The following COL7A1 variants were observed in gnomAD, a reference collection of about 807,000 sequenced individuals.
COL7A1 encodes the protein collagen alpha-1(VII) chain.
A neutral mutation model predicts 456.2 loss-of-function variants in COL7A1; 296 were observed. That is an observed-to-expected ratio of 0.65 (90% confidence interval 0.59 to 0.71). The LOEUF (loss-of-function observed/expected upper bound fraction) is 0.71, where lower values mean the gene tolerates loss of function less well. Ranked by LOEUF, COL7A1 falls within the 30% of genes least tolerant of loss-of-function variation. COL7A1 has a pLI of 0.00. For synonymous variants in COL7A1, 1,464 were observed against 1,525.9 expected, an observed-to-expected ratio of 0.96 and a Z score of 0.95; for missense variants, 3,441 against 4,017.2, an observed-to-expected ratio of 0.86 and a Z score of 3.88.
chr3:48,582,876 G>A, intron 44 of COL7A1, 137 bp downstream of exon 44: 1 of 1,372,070 alleles, frequency 7.3e-7, no homozygotes, highest in Non-Finnish European at 1.0e-6. Context: ...CTGAGGGTTA[G>A]AGCCTGTATC....
In COL7A1 at chr3:48,570,276, CG is replaced by C; in HGVS notation, c.7438del (p.Arg2480GlyfsTer36). 6.2e-7 allele frequency: 1 copy of C among 1,613,716 alleles called. No individual in the cohort carries two copies. The highest frequency in any genetic ancestry group is 1.1e-5 in the South Asian group (1 of 91,048). ...GGCTGTGGAGTAAGACATACGTACC[CG>C]GATGCCTGGCTCCCCACGCTCGCCT... ...PRGERGEPGI[R>X]GEDGRPGQEG... On this transcript the variant is annotated frameshift_variant and splice_region_variant, in exon 98 of 119. Transcript: ENST00000681320. LOFTEE classifies it high-confidence loss of function. This position sits in a 1 kb window ranked among gnomAD's most constrained non-coding sequence, Gnocchi z 5.5.
In COL7A1 at chr3:48,565,180, T is replaced by C. The variant is rs753118545; in HGVS notation, c.8549A>G (p.Asp2850Gly). The C allele has an allele frequency of 6.2e-7, 1 of 1,613,906 alleles. No homozygotes were observed. Among genetic ancestry groups the C allele is most frequent in the Non-Finnish European group, 8.5e-7 (1 of 1,179,902 alleles). ...EEEERVPPED[D>G]EYSEYSEYSV... ...ATACTCGGAGTATTCAGAGTACTCA[T>C]CATCCTCAGGGGGTACCCGCTCTGC... is the stretch of plus-strand genomic sequence containing the variant. Residue 2850 changes from aspartate (D) to glycine (G), a missense_variant, in exon 117 of 119, where the codon GAT (aspartate) becomes GGT (glycine). By Grantham distance (94) the Asp-to-Gly change is moderately conservative. Around this residue, in one of 3 missense-constraint regions of COL7A1, gnomAD observed 2,084 missense variants for 2,501.3 expected, o/e 0.83. Transcript: ENST00000681320. This position sits in a 1 kb window ranked among gnomAD's most constrained non-coding sequence, Gnocchi z 4.5.
chr3:48,570,360 T>C lies in COL7A1; in HGVS notation c.7381-26A>G, dbSNP rs545691941. ...CTGGAGACCAACAGGACACCGGGGA[T>C]CAGTGAGGGGAATCAGTGGGGGACG... is the stretch of plus-strand genomic sequence containing the variant. On this transcript the variant is annotated intron_variant, in intron 97 of 118. Transcript: ENST00000681320. This position sits in a 1 kb window ranked among gnomAD's most constrained non-coding sequence, Gnocchi z 5.5. The C allele has an allele frequency of 4.3e-6, 7 of 1,613,770 alleles. No homozygotes were observed. The South Asian group carries it at 7.7e-5, about 18-fold the overall frequency.
rs376952626 is a variant in COL7A1, at chr3:48,586,522, A to C, written c.3403+41T>G. On this transcript the variant is annotated intron_variant, in intron 26 of 118. Coordinates refer to ENST00000681320, the MANE Select transcript of COL7A1 (RefSeq NM_000094.4). The surrounding 1 kb of genome is among the most constrained non-coding windows in gnomAD (Gnocchi z 5.1). ...CAGAACCCTGGGGCACCAAGCTCCC[A>C]GTGGATAGCCCCAGGAGTCCATGCC... 2 of 1,613,644 alleles carry C rather than the reference A, an allele frequency of 1.2e-6. No homozygotes were observed. The highest frequency in any genetic ancestry group is 1.7e-6 in the Non-Finnish European group (2 of 1,180,030).
In COL7A1 at chr3:48,565,470, T is replaced by G; in HGVS notation, c.8467A>C (p.Thr2823Pro). The G allele has an allele frequency of 6.2e-7, 1 of 1,613,468 alleles. No individual in the cohort carries two copies. Among genetic ancestry groups the G allele is most frequent in the South Asian group, 1.1e-5 (1 of 90,928 alleles). ...ACAGCATGGAGCTGGGAGCCGGCAGTGTCTGCAGCATAACTAGGGAGGGGT... is the reference window on the plus strand; with the variant it reads ...ACAGCATGGAGCTGGGAGCCGGCAGGGTCTGCAGCATAACTAGGGAGGGGT... ...SRPLPSYAAD[T>P]AGSQLHAVPV... is the part of the protein sequence containing the mutation. The change falls in exon 116 of 119, where the codon ACT (threonine) becomes CCT (proline). Residue 2823 changes from threonine to proline, a missense_variant. Thr to Pro is a conservative substitution (Grantham distance 38, BLOSUM62 -1). Transcript: ENST00000681320. The surrounding 1 kb of genome is among the most constrained non-coding windows in gnomAD (Gnocchi z 4.5).
chr3:48,594,382 G>A lies in COL7A1; in HGVS notation c.252C>T (p.Tyr84=). The A allele has an allele frequency of 6.2e-7, 1 of 1,610,842 alleles. No individual in the cohort carries two copies. Among genetic ancestry groups the A allele is most frequent in the Non-Finnish European group, 8.5e-7 (1 of 1,180,016 alleles). ...CCCCTACTCACCGTGGGTCATCGCTGTACTGCACTGTGGCAAAGCGCACAC... is the reference window on the plus strand; with the variant it reads ...CCCCTACTCACCGTGGGTCATCGCTATACTGCACTGTGGCAAAGCGCACAC... ...AQGVRFATVQ[Y]SDDPRTEFGL... is the part of the protein sequence containing the mutation. Residue 84 remains tyrosine (Y), a synonymous_variant, in exon 3 of 119, where the codon TAC becomes TAT. Coordinates refer to ENST00000681320, the MANE Select transcript of COL7A1 (RefSeq NM_000094.4). This position sits in a 1 kb window ranked among gnomAD's most constrained non-coding sequence, Gnocchi z 5.5.
In COL7A1 at chr3:48,569,935, C is replaced by T. The variant is rs769328539; in HGVS notation, c.7486-20G>A. 4.5e-5 allele frequency: 73 copies of T among 1,613,702 alleles called. No homozygotes were observed. Among genetic ancestry groups the T allele is most frequent in the Non-Finnish European group, 5.8e-5 (68 of 1,179,894 alleles). ...GGGCCCCTGTGTGAGAGAAGGTGAC[C>T]GTGAGCTACAGGAACCAGGGCAGTG... is the stretch of plus-strand genomic sequence containing the variant. On this transcript the variant is annotated intron_variant, in intron 99 of 118. Transcript: ENST00000681320. The surrounding 1 kb of genome is among the most constrained non-coding windows in gnomAD (Gnocchi z 4.9).
chr3:48,585,465 A>C lies in COL7A1; in HGVS notation c.3894+92T>G. The C allele has an allele frequency of 7.1e-7, 1 of 1,417,244 alleles. No individual in the cohort carries two copies. Among genetic ancestry groups the C allele is most frequent in the Middle Eastern group, 2.4e-4 (1 of 4,146 alleles). 87.8% of individuals were successfully genotyped at this position (1,417,244 alleles called of 1,614,324 possible). On this transcript the variant is annotated intron_variant, in intron 32 of 118. Transcript: ENST00000681320. The surrounding 1 kb of genome is among the most constrained non-coding windows in gnomAD (Gnocchi z 4.5). ...GCTGGGCTTCTAGGAATTCCCGATG[A>C]TTCTAACTCTGCTTCTTCCTTCTCT...
At position 48,567,667 on chromosome 3, in the gene COL7A1, C is replaced by T. The variant is rs370302635; in HGVS notation, c.7984-31G>A. 252 of 1,614,094 alleles carry T rather than the reference C, an allele frequency of 1.6e-4. 2 individuals carry two copies. In the Middle Eastern group the frequency reaches 6.3e-3, roughly 40 times the overall value. On this transcript the variant is annotated intron_variant, in intron 108 of 118. Coordinates refer to ENST00000681320, the MANE Select transcript of COL7A1 (RefSeq NM_000094.4). The surrounding 1 kb of genome is among the most constrained non-coding windows in gnomAD (Gnocchi z 4.3). ...GAAAAAAAGACATGAACTTGGCCCC[C>T]GTCCACCCGTGGCCCCCTCATTCTG...
chr3:48,593,671 C>G lies in COL7A1; in HGVS notation c.292G>C (p.Gly98Arg). Residue 98 changes from glycine (G) to arginine (R), a missense_variant, in exon 4 of 119, where the codon GGC becomes CGC. Transcript: ENST00000681320. The surrounding 1 kb of genome is among the most constrained non-coding windows in gnomAD (Gnocchi z 4.4). ...GCGCGGATCACATCACCCCCAGAGCCAAGTGCATCCAGGCCGAACTCTGTC... is the reference window on the plus strand; with the variant it reads ...GCGCGGATCACATCACCCCCAGAGCGAAGTGCATCCAGGCCGAACTCTGTC... ...PRTEFGLDAL[G>R]SGGDVIRAIR... 6.2e-7 allele frequency: 1 copy of G among 1,614,216 alleles called. No homozygotes were observed. Among genetic ancestry groups the G allele is most frequent in the Non-Finnish European group, 8.5e-7 (1 of 1,180,026 alleles).
In COL7A1 at chr3:48,578,961, A is replaced by G; in HGVS notation, c.5389-7T>C. ...CAGCTTTGCCTGCAGCACCCTGAGG[A>G]GAGACTCAAAGTCAGTTCATCATGG... is the stretch of plus-strand genomic sequence containing the variant. On this transcript the variant is annotated splice_region_variant and splice_polypyrimidine_tract_variant and intron_variant, in intron 62 of 118. Transcript: ENST00000681320. The surrounding 1 kb of genome is among the most constrained non-coding windows in gnomAD (Gnocchi z 4.7). 6.2e-7 allele frequency: 1 copy of G among 1,614,010 alleles called. No individual in the cohort carries two copies. Among genetic ancestry groups the G allele is most frequent in the Non-Finnish European group, 8.5e-7 (1 of 1,179,984 alleles).
rs1161924025 is a variant in COL7A1, at chr3:48,570,351, C to T, written c.7381-17G>A. On this transcript the variant is annotated splice_polypyrimidine_tract_variant and intron_variant, in intron 97 of 118. Coordinates refer to ENST00000681320, the MANE Select transcript of COL7A1 (RefSeq NM_000094.4). This position sits in a 1 kb window ranked among gnomAD's most constrained non-coding sequence, Gnocchi z 5.5. Reference sequence around the variant, plus strand: ...AGGGTCTCCCTGGAGACCAACAGGACACCGGGGATCAGTGAGGGGAATCAG... The same window carrying T: ...AGGGTCTCCCTGGAGACCAACAGGATACCGGGGATCAGTGAGGGGAATCAG... The T allele has an allele frequency of 3.7e-6, 6 of 1,613,926 alleles. No homozygotes were observed. Among genetic ancestry groups the T allele is most frequent in the Non-Finnish European group, 5.1e-6 (6 of 1,179,984 alleles).
rs1327699730 is a variant in COL7A1, at chr3:48,591,934, C to A, written c.1321G>T (p.Ala441Ser). 1.2e-6 allele frequency: 2 copies of A among 1,614,076 alleles called. No individual in the cohort carries two copies. Among genetic ancestry groups the A allele is most frequent in the African/African-American group, 2.7e-5 (2 of 74,930 alleles). The change falls in exon 11 of 119, where the codon GCC becomes TCC. Residue 441 changes from alanine (A) to serine (S), a missense_variant. By Grantham distance (99) the Ala-to-Ser change is moderately conservative. Around this residue, in one of 3 missense-constraint regions of COL7A1, gnomAD observed 913 missense variants for 1,088.2 expected, o/e 0.84. Coordinates refer to ENST00000681320, the MANE Select transcript of COL7A1 (RefSeq NM_000094.4). The surrounding 1 kb of genome is among the most constrained non-coding windows in gnomAD (Gnocchi z 7.0). ...CGCCATTCCAACCGGTAGCCACGGGCCTCAGGCACCAAGTTCCAGGAAAGG... is the reference window on the plus strand; with the variant it reads ...CGCCATTCCAACCGGTAGCCACGGGACTCAGGCACCAAGTTCCAGGAAAGG... The part of the protein sequence containing the change: ...ILLSWNLVPE[A>S]RGYRLEWRRE...
chr3:48,592,182 G>C lies in COL7A1; in HGVS notation c.1160C>G (p.Pro387Arg). 1 of 1,614,130 alleles carries C rather than the reference G, an allele frequency of 6.2e-7. No individual in the cohort carries two copies. ...QGSVLLRDLEPGTDYEVTVST... is the reference protein window; with the variant it reads ...QGSVLLRDLERGTDYEVTVST... ...CACGGTCACCTCATAGTCCGTGCCA[G>C]GCTCCAAGTCACGCAGCAACACTGA... The change falls in exon 10 of 119, where the codon CCT (proline) becomes CGT (arginine). Residue 387 changes from proline (P) to arginine (R), a missense_variant. Around this residue, in one of 3 missense-constraint regions of COL7A1, gnomAD observed 913 missense variants for 1,088.2 expected, o/e 0.84. Coordinates refer to ENST00000681320, the MANE Select transcript of COL7A1 (RefSeq NM_000094.4). This position sits in a 1 kb window ranked among gnomAD's most constrained non-coding sequence, Gnocchi z 7.6.
rs771242392 is a variant in COL7A1 at position 48,580,693 on chromosome 3, T to G, written c.4981-41A>C. The G allele has an allele frequency of 1.2e-6, 2 of 1,609,002 alleles. No homozygotes were observed. Among genetic ancestry groups the G allele is most frequent in the Admixed American group, 3.3e-5 (2 of 59,880 alleles). Reference sequence around the variant, plus strand: ...GGCCTGAGACAGACCCTCCCAATATTTTGCAGGTGCCCCTATGACCCGCTA... The same window carrying G: ...GGCCTGAGACAGACCCTCCCAATATGTTGCAGGTGCCCCTATGACCCGCTA... On this transcript the variant is annotated intron_variant, in intron 54 of 118. Transcript: ENST00000681320. The surrounding 1 kb of genome is among the most constrained non-coding windows in gnomAD (Gnocchi z 4.5).
chr3:48,586,753 C>T lies in COL7A1; in HGVS notation c.3277-64G>A. ...AGAGCAGGGATGGGGGTGCACAGAG[C>T]CTGGAGAAACACATCAGGGTGTGTG... On this transcript the variant is annotated intron_variant, in intron 25 of 118. Transcript: ENST00000681320. The surrounding 1 kb of genome is among the most constrained non-coding windows in gnomAD (Gnocchi z 5.1). 1.3e-6 allele frequency: 2 copies of T among 1,544,630 alleles called. No individual in the cohort carries two copies. The highest frequency in any genetic ancestry group is 8.8e-7 in the Non-Finnish European group (1 of 1,142,308).
rs145428183 is a variant in COL7A1, at chr3:48,587,481, A to T, written c.2931T>A (p.Thr977=). The change falls in exon 23 of 119, where the codon ACT becomes ACA. Residue 977 remains threonine, a synonymous_variant. Transcript: ENST00000681320. This position sits in a 1 kb window ranked among gnomAD's most constrained non-coding sequence, Gnocchi z 6.1. The part of the protein sequence containing the change: ...TSIDSVTLAW[T]PVSRASSYIL... ...TGTAGCTGGATGCCCTGGACACTGG[A>T]GTCCAGGCCAAAGTCACCGAGTCGA... is the stretch of plus-strand genomic sequence containing the variant. 15 of 1,613,176 alleles carry T rather than the reference A, an allele frequency of 9.3e-6. No individual in the cohort carries two copies. The highest frequency in any genetic ancestry group is 1.3e-5 in the Non-Finnish European group (15 of 1,180,018).
chr3:48,574,892 G>C lies in COL7A1; in HGVS notation c.6280-27C>G. ...TACAAACACAAGGTCACAGGGGAGA[G>C]ATGTCTCTGTCATAGAGGCATGGGG... On this transcript the variant is annotated intron_variant, in intron 76 of 118. Transcript: ENST00000681320. This position sits in a 1 kb window ranked among gnomAD's most constrained non-coding sequence, Gnocchi z 5.0. 1 of 1,612,768 alleles carries C rather than the reference G, an allele frequency of 6.2e-7. No individual in the cohort carries two copies. Among genetic ancestry groups the C allele is most frequent in the Non-Finnish European group, 8.5e-7 (1 of 1,179,134 alleles).
In COL7A1 at chr3:48,592,351, CACT is replaced by C. The variant is rs749339404; in HGVS notation, c.1090_1092del (p.Ser364del). ...CCCTCAGCCCACATCTCTCACTCAC[CACT>C]GAGGACCCGCCATGTCACACGGTAG... On this transcript the variant is annotated inframe_deletion and splice_region_variant, in exon 9 of 119. Coordinates refer to ENST00000681320, the MANE Select transcript of COL7A1 (RefSeq NM_000094.4). The surrounding 1 kb of genome is among the most constrained non-coding windows in gnomAD (Gnocchi z 7.6). 33 of 1,613,308 alleles carry C rather than the reference CACT, an allele frequency of 2.0e-5. No individual in the cohort carries two copies. The highest frequency in any genetic ancestry group is 4.0e-5 in the African/African-American group (3 of 74,928).
Sources: allele counts gnomAD v4.1 joint callset, GRCh38; gene constraint gnomAD v4.1.1; regional missense constraint gnomAD v4.1.1; non-coding constraint Gnocchi (gnomAD v3.1); transcripts MANE v1.5; gene names NCBI Gene and HGNC (gene_info 2026-07-23, HGNC 2026-07-21).